Variants in CSMD1 observed in about 807,000 individuals in gnomAD.
The protein encoded by CSMD1 is CUB and Sushi multiple domains 1.
Under a neutral mutation model 417.5 loss-of-function variants are expected in CSMD1, and 213 were observed. That is an observed-to-expected ratio of 0.51 (90% CI 0.46 to 0.57). CSMD1 has a LOEUF of 0.57. Ranked by LOEUF, CSMD1 falls within the 20% of genes least tolerant of loss-of-function variation. The pLI, the probability that CSMD1 is intolerant of heterozygous loss-of-function variation, is 0.00. For missense variants in CSMD1, 6,923 were observed against 4,529.7 expected (o/e 1.53, Z -15.17); for synonymous variants, 2,862 against 1,736.8 (o/e 1.65, Z -16.11).
chr8:4,199,636 A>C (rs961225204), intron 3 of CSMD1, among the ~76,000 whole-genome samples: 3 of 152,206 alleles, frequency 2.0e-5, no homozygotes, highest in African/African-American at 7.2e-5. Flanking sequence ...TGCATAAATA[A>C]AGACTTCAAC....
intron 2 of CSMD1, among the ~76,000 whole-genome samples, chr8:4,430,594 T>C (rs1273543121): frequency 6.6e-6 from 1 of 152,114 alleles, no homozygotes; most frequent in Non-Finnish European, 1.5e-5. Flanking sequence ...CAAATTGCAT[T>C]CTAGACAAGT....
At chr8:4,824,900 G>A (rs7833231) in intron 1 of CSMD1, among the ~76,000 whole-genome samples, 100,093 of 151,954 alleles carry the variant, frequency 0.66, 33,404 homozygotes, top group East Asian at 0.91. Flanking sequence ...GTAATGGGCT[G>A]TTACTGCTAC....
intron 1 of CSMD1, among the ~76,000 whole-genome samples, chr8:4,710,720 C>G (rs1376150361): frequency 1.3e-5 from 2 of 151,680 alleles, no homozygotes; most frequent in African/African-American, 2.4e-5. Context: ...GGCCACATGC[C>G]TGTAATCCCA....
intron 2 of CSMD1, among the ~76,000 whole-genome samples, chr8:4,634,414 A>T (rs757441877): frequency 9.2e-5 from 14 of 152,202 alleles, no homozygotes; most frequent in Non-Finnish European, 1.6e-4. Flanking sequence ...TGTGAAAGAA[A>T]TTTATTGATA....
At chr8:4,660,973 T>C (rs951715095) in intron 1 of CSMD1, among the ~76,000 whole-genome samples, 4 of 152,082 alleles carry the variant, frequency 2.6e-5, no homozygotes, top group Non-Finnish European at 5.9e-5. Flanking sequence ...AAAATCAAAA[T>C]CTGGTTAGCA....
intron 3 of CSMD1, among the ~76,000 whole-genome samples, chr8:4,051,472 A>G (rs1023184639): frequency 6.6e-6 from 1 of 152,178 alleles, no homozygotes; most frequent in Non-Finnish European, 1.5e-5. Context: ...ACACGTATAA[A>G]TTGAATGCAC....
chr8:4,376,422 C>A (rs925150371), intron 3 of CSMD1, among the ~76,000 whole-genome samples: 2 of 152,186 alleles, frequency 1.3e-5, no homozygotes, highest in Admixed American at 1.3e-4. Context: ...ATATTTTTTT[C>A]TTTACGTTTC....
intron 2 of CSMD1, among the ~76,000 whole-genome samples, chr8:4,606,412 G>T (rs1034974261): frequency 2.6e-5 from 4 of 151,988 alleles, no homozygotes; most frequent in African/African-American, 9.7e-5. Flanking sequence ...CTTGTTCCTG[G>T]CTCCCTGGGC....
At position 4,114,458 on chromosome 8, in the gene CSMD1, T is replaced by G. The variant is rs147787002; in HGVS notation, c.416-82359A>C. On this transcript the variant is annotated intron_variant, in intron 3 of 69. Transcript: ENST00000635120. The stretch of plus-strand genomic sequence containing the variant: ...GGTTACGGAAGAGCTTGGACAGAGA[T>G]GCTTAAAGAGATTAATGTTGTCTTC... Among the ~76,000 whole-genome samples the G allele has an allele frequency of 2.6e-4, 40 of 152,320 alleles. No individual in the cohort carries two copies. In the East Asian group the frequency reaches 7.7e-3, roughly 29 times the overall value.
At chr8:4,792,950 G>A (rs1797770472) in intron 1 of CSMD1, among the ~76,000 whole-genome samples, 1 of 148,522 alleles carries the variant, frequency 6.7e-6, no homozygotes, top group Non-Finnish European at 1.5e-5. Flanking sequence ...AATTATATAT[G>A]TATATGGAAT....
chr8:4,095,555 T>C (rs767168036), intron 3 of CSMD1, among the ~76,000 whole-genome samples: 6 of 152,198 alleles, frequency 3.9e-5, no homozygotes, highest in African/African-American at 1.4e-4. Flanking sequence ...TTTAAGGAAC[T>C]GGGAATAAAT....
At chr8:4,536,387 T>A (rs1469694291) in intron 2 of CSMD1, among the ~76,000 whole-genome samples, 1 of 152,182 alleles carries the variant, frequency 6.6e-6, no homozygotes, top group Non-Finnish European at 1.5e-5. Flanking sequence ...ATCCTTACAA[T>A]TTTAAATTTA....
At chr8:3,291,537 T>A (rs986620563) in intron 25 of CSMD1, among the ~76,000 whole-genome samples, 1 of 152,214 alleles carries the variant, frequency 6.6e-6, no homozygotes, top group South Asian at 2.1e-4. Context: ...ATTCAACTTC[T>A]TCCTGGTTTA....
chr8:4,494,546 G>A (rs140512941), intron 2 of CSMD1, among the ~76,000 whole-genome samples: 1 of 152,200 alleles, frequency 6.6e-6, no homozygotes, highest in African/African-American at 2.4e-5. Flanking sequence ...CATTATTGGA[G>A]ATTTATCTGG....
At chr8:4,700,859 G>T (rs1053076029) in intron 1 of CSMD1, among the ~76,000 whole-genome samples, 1 of 152,102 alleles carries the variant, frequency 6.6e-6, no homozygotes, top group African/African-American at 2.4e-5. Flanking sequence ...AAAGGATGAA[G>T]AACAATAGAC....
intron 6 of CSMD1, among the ~76,000 whole-genome samples, chr8:3,717,925 G>A (rs570262883): frequency 6.6e-6 from 1 of 152,148 alleles, no homozygotes; most frequent in African/African-American, 2.4e-5. Context: ...GAATTCTTTA[G>A]TCAAGGCTGT....
chr8:4,455,920 C>A (rs1428110859), intron 2 of CSMD1, among the ~76,000 whole-genome samples: 1 of 36,858 alleles, frequency 2.7e-5, no homozygotes, highest in African/African-American at 8.5e-5. Context: ...CAAAGTGAGA[C>A]TCCAACTCCA....
intron 5 of CSMD1, among the ~76,000 whole-genome samples, chr8:3,778,926 C>G (rs1222879751): frequency 6.6e-6 from 1 of 152,146 alleles, no homozygotes; most frequent in Non-Finnish European, 1.5e-5. Flanking sequence ...AACAATCTCT[C>G]AAAAATGCTG....
intron 3 of CSMD1, among the ~76,000 whole-genome samples, chr8:4,301,006 G>A (rs745903221): frequency 2.0e-5 from 3 of 152,148 alleles, no homozygotes; most frequent in Admixed American, 6.6e-5. Context: ...GTGTGCATGT[G>A]TCTTTATAGC....
Sources: gnomAD v4.1 joint callset for allele counts (sites outside exome capture counted in the v4.1 genomes callset) on GRCh38, gnomAD v4.1.1 for gene constraint, MANE v1.5 for transcripts, NCBI Gene and HGNC (gene_info 2026-07-23, HGNC 2026-07-21) for gene names.